The following STK32C variants were observed in gnomAD, a reference collection of about 807,000 sequenced individuals.
STK32C encodes the protein serine/threonine kinase 32C.
A neutral mutation model predicts 56.5 loss-of-function variants in STK32C; 31 were observed. The observed-to-expected ratio is 0.55, with a 90% confidence interval of 0.41 to 0.74. The LOEUF (loss-of-function observed/expected upper bound fraction) is 0.74, where lower values mean the gene tolerates loss of function less well. Ranked by LOEUF, STK32C falls within the 30% of genes least tolerant of loss-of-function variation. The probability of loss-of-function intolerance (pLI) is 0.00; values close to 1 mark genes in which losing one functional copy is unlikely to be tolerated. For synonymous variants in STK32C, 309 were observed against 289.4 expected (o/e 1.07, Z -0.69); for missense variants, 544 against 676.9 (o/e 0.80, Z 2.18).
rs772635874 is a variant in STK32C, at chr10:132,255,845, C to A, written c.263-9890G>T. Among the ~76,000 whole-genome samples the A allele has an allele frequency of 6.6e-6, 1 of 152,186 alleles. No individual in the cohort carries two copies. The highest frequency in any genetic ancestry group is 2.4e-5 in the African/African-American group (1 of 41,436). On this transcript the variant is annotated intron_variant, in intron 1 of 11. Transcript: ENST00000298630. The surrounding 1 kb of genome is among the most constrained non-coding windows in gnomAD (Gnocchi z 4.6). Reference sequence around the variant, plus strand: ...GGCCCAGCATTACGTGCGCTGCCCACGCATCTCCGAGGGCCCAGCTGGCCA... The same window carrying A: ...GGCCCAGCATTACGTGCGCTGCCCAAGCATCTCCGAGGGCCCAGCTGGCCA...
Position 132,228,000 on chromosome 10 carries a change from C to T in STK32C, c.447G>A (p.Glu149=). The change falls in exon 3 of 12, where the codon GAG becomes GAA. Residue 149 remains glutamate (E), a synonymous_variant. Coordinates refer to ENST00000298630, the MANE Select transcript of STK32C (RefSeq NM_173575.4). The part of the protein sequence containing the change: ...FRELEILQEI[E]HVFLVNLWYS... The stretch of plus-strand genomic sequence containing the variant: ...ACCAGAGGTTCACCAGGAAGACGTG[C>T]TCGATCTCCTGCAGGATCTCCAGCT... 5.0e-6 allele frequency: 8 copies of T among 1,613,630 alleles called. No homozygotes were observed. Among genetic ancestry groups the T allele is most frequent in the Non-Finnish European group, 6.8e-6 (8 of 1,180,002 alleles).
chr10:132,331,295 T>C (rs2066717696), intron 1 of STK32C: 3 of 778,622 alleles, frequency 3.9e-6, no homozygotes, highest in South Asian at 1.9e-5. Flanking sequence ...CAGAGGGTGC[T>C]ACTTTTCATT....
At chr10:132,277,539 G>T (rs1334150361) in intron 1 of STK32C, among the ~76,000 whole-genome samples, 1 of 152,214 alleles carries the variant, frequency 6.6e-6, no homozygotes, top group East Asian at 1.9e-4. Flanking sequence ...AGCTCACTGA[G>T]AGCTCAGTGG....
At chr10:132,211,425 A>C (rs555503265) in intron 10 of STK32C, among the ~76,000 whole-genome samples, 1 of 152,290 alleles carries the variant, frequency 6.6e-6, no homozygotes, top group South Asian at 2.1e-4. Context: ...CAACGTCCAC[A>C]GCCATGTTTT....
At chr10:132,224,998 G>A (rs2062832315) in intron 7 of STK32C, among the ~76,000 whole-genome samples, 2 of 152,240 alleles carry the variant, frequency 1.3e-5, no homozygotes, top group South Asian at 4.1e-4. Flanking sequence ...CCCCACAGAG[G>A]CTGGCCTGCA....
At chr10:132,256,938 C>T (rs1043048330) in intron 1 of STK32C, among the ~76,000 whole-genome samples, 3 of 152,170 alleles carry the variant, frequency 2.0e-5, no homozygotes, top group Admixed American at 1.3e-4. Flanking sequence ...GTGGGGGGGA[C>T]GCTGGCCACA....
At chr10:132,323,969 G>C (rs757951093), downstream of STK32C, 31 of 435,022 alleles carry the variant, frequency 7.1e-5, no homozygotes, top group African/African-American at 9.8e-5. The surrounding 1 kb of genome is among the most constrained non-coding windows in gnomAD (Gnocchi z 4.8). Flanking sequence ...TGTCCGGAGA[G>C]AGCGGGAAGC....
intron 1 of STK32C, among the ~76,000 whole-genome samples, chr10:132,267,501 CCCA>C (rs2064588676): frequency 6.7e-6 from 1 of 150,044 alleles, no homozygotes; most frequent in South Asian, 2.1e-4. Context: ...GCATGCATGT[CCCA>C]CATCGTGTGT....
In STK32C at chr10:132,290,881, T is replaced by C. The variant is rs955454781; in HGVS notation, c.262+16691A>G. Among the ~76,000 whole-genome samples, 3 of 151,570 alleles carry C rather than the reference T, an allele frequency of 2.0e-5. No individual in the cohort carries two copies. In the East Asian group the frequency reaches 5.8e-4, roughly 29 times the overall value. On this transcript the variant is annotated intron_variant, in intron 1 of 11. Coordinates refer to ENST00000298630, the MANE Select transcript of STK32C (RefSeq NM_173575.4). ...AGACCCACCAAGCCCAGGGCCACCA[T>C]GTCCAGGGATACCCATCCAGACCCA...
At chr10:132,241,487 G>A (rs765727387) in intron 2 of STK32C, among the ~76,000 whole-genome samples, 3 of 152,152 alleles carry the variant, frequency 2.0e-5, no homozygotes, top group Non-Finnish European at 2.9e-5. Context: ...AAAAGCAGAC[G>A]CCTATTTGGG....
chr10:132,283,135 C>T (rs189493556), intron 1 of STK32C, among the ~76,000 whole-genome samples: 2 of 152,348 alleles, frequency 1.3e-5, no homozygotes, highest in East Asian at 3.9e-4. Context: ...CCACGATGGC[C>T]AAGACCCAGC....
At chr10:132,212,858 C>T (rs555441402) in intron 10 of STK32C, among the ~76,000 whole-genome samples, 3 of 152,294 alleles carry the variant, frequency 2.0e-5, no homozygotes, top group East Asian at 3.9e-4. Context: ...GAGGTCAAAG[C>T]GCTGCGGCGA....
At chr10:132,331,426 G>A (rs747872777) in intron 1 of STK32C, 2 of 1,606,284 alleles carry the variant, frequency 1.2e-6, no homozygotes, top group Middle Eastern at 1.7e-4. Flanking sequence ...CCCTTCCTCA[G>A]GACACTCACT....
intron 1 of STK32C, among the ~76,000 whole-genome samples, chr10:132,328,002 G>A (rs2066532984): frequency 6.6e-6 from 1 of 152,054 alleles, no homozygotes; most frequent in African/African-American, 2.4e-5. Flanking sequence ...TGAAAACCAG[G>A]GCTGGAATAA....
intron 1 of STK32C, among the ~76,000 whole-genome samples, chr10:132,257,790 C>T (rs970995405): frequency 3.3e-5 from 5 of 151,648 alleles, no homozygotes; most frequent in South Asian, 2.1e-4. Flanking sequence ...GAACCAAACA[C>T]CCCCAGGGGA....
chr10:132,272,131 G>A (rs1467282011), intron 1 of STK32C, among the ~76,000 whole-genome samples: 1 of 152,242 alleles, frequency 6.6e-6, no homozygotes. Context: ...GTGCCTCCGA[G>A]CGTGGCTGTG....
At chr10:132,264,106 T>G (rs11146281) in intron 1 of STK32C, among the ~76,000 whole-genome samples, 1 of 151,956 alleles carries the variant, frequency 6.6e-6, no homozygotes, top group South Asian at 2.1e-4. Context: ...ATGTAATCAG[T>G]AGGCATGGAG....
At chr10:132,322,520 A>G (rs1192298870), downstream of STK32C, among the ~76,000 whole-genome samples, 1 of 152,200 alleles carries the variant, frequency 6.6e-6, no homozygotes, top group Non-Finnish European at 1.5e-5. Flanking sequence ...ATTCACTGAC[A>G]TTTTCTCCTA....
chr10:132,289,203 A>G (rs748749562), intron 1 of STK32C, among the ~76,000 whole-genome samples: 4 of 152,266 alleles, frequency 2.6e-5, no homozygotes, highest in Non-Finnish European at 5.9e-5. Context: ...ATGCTGGAGT[A>G]AATGGATATC....
Sources: gnomAD v4.1 joint callset for allele counts (sites outside exome capture counted in the v4.1 genomes callset) on GRCh38, gnomAD v4.1.1 for gene constraint, Gnocchi (gnomAD v3.1) non-coding constraint, MANE v1.5 for transcripts, NCBI Gene and HGNC (gene_info 2026-07-23, HGNC 2026-07-21) for gene names.